SIPA1L2: variants seen among roughly 807,000 people sequenced by gnomAD.
SIPA1L2 encodes signal-induced proliferation-associated 1-like protein 2.
Under a neutral mutation model 163.9 loss-of-function variants are expected in SIPA1L2, and 56 were observed. That is an observed-to-expected ratio of 0.34 (90% CI 0.28 to 0.43). SIPA1L2 has a LOEUF of 0.43. Ranked by LOEUF, SIPA1L2 falls within the 20% of genes least tolerant of loss-of-function variation. The pLI is 1.00. For synonymous variants in SIPA1L2, 877 were observed against 865.7 expected, an observed-to-expected ratio of 1.01 and a Z score of -0.23; for missense variants, 1,974 against 2,193.5, an observed-to-expected ratio of 0.90 and a Z score of 2.00.
chr1:232,441,213 A>G, intron 14 of SIPA1L2, 78 bp downstream of exon 14: 1 of 1,091,196 alleles, frequency 9.2e-7, no homozygotes, highest in Non-Finnish European at 1.3e-6. Flanking sequence ...CATCCCCAGG[A>G]ATCAGGCTGT....
intron 7 of SIPA1L2, among the ~76,000 whole-genome samples, chr1:232,479,094 TC>T (rs1370285706): frequency 6.6e-6 from 1 of 152,256 alleles, no homozygotes; most frequent in Non-Finnish European, 1.5e-5. Flanking sequence ...GATTTATGCA[TC>T]ATTCAAGTTT....
chr1:232,573,734 C>A (rs368268882), intron 2 of SIPA1L2, among the ~76,000 whole-genome samples: 110 of 152,262 alleles, frequency 7.2e-4, no homozygotes, highest in African/African-American at 2.5e-3. Flanking sequence ...CCCTTGATCA[C>A]CTTCCTCACA....
chr1:232,426,733 C>T (rs924426986), intron 17 of SIPA1L2, among the ~76,000 whole-genome samples: 1 of 151,992 alleles, frequency 6.6e-6, no homozygotes, highest in African/African-American at 2.4e-5. Flanking sequence ...GGATCATAAC[C>T]AGACTTAAAT....
rs117076079 is a variant in SIPA1L2 at position 232,591,217 on chromosome 1, G to A, written c.-318-16995C>T. Reference sequence around the variant, plus strand: ...TTAGTTAAACAAAAATTAGTAACTCGGCCTATTACAAAAATAGTTCACATG... The same window carrying A: ...TTAGTTAAACAAAAATTAGTAACTCAGCCTATTACAAAAATAGTTCACATG... On this transcript the variant is annotated intron_variant, in intron 1 of 22. Coordinates refer to ENST00000674635, the MANE Select transcript of SIPA1L2 (RefSeq NM_020808.5). Among the ~76,000 whole-genome samples the A allele has an allele frequency of 9.5e-4, 145 of 152,282 alleles. 2 individuals are homozygous for A. The East Asian group carries it at 0.011, about 12-fold the overall frequency.
chr1:232,548,377 A>C (rs574248737), intron 2 of SIPA1L2, among the ~76,000 whole-genome samples: 1 of 152,172 alleles, frequency 6.6e-6, no homozygotes, highest in East Asian at 1.9e-4. Context: ...CGCCACCTCC[A>C]TTTGCTTCCA....
intron 1 of SIPA1L2, among the ~76,000 whole-genome samples, chr1:232,574,750 T>C (rs1659986991): frequency 6.6e-6 from 1 of 152,192 alleles, no homozygotes; most frequent in South Asian, 2.1e-4. Context: ...ACCAAAAATT[T>C]TGAAAACTCC....
intron 6 of SIPA1L2, among the ~76,000 whole-genome samples, chr1:232,481,291 A>G (rs796258954): frequency 8.5e-5 from 13 of 152,198 alleles, no homozygotes; most frequent in African/African-American, 2.7e-4. Context: ...TGCTCCTTCA[A>G]TGAATAATGG....
intron 1 of SIPA1L2, among the ~76,000 whole-genome samples, chr1:232,629,632 C>A (rs951975796): frequency 2.6e-5 from 4 of 152,182 alleles, no homozygotes; most frequent in Non-Finnish European, 5.9e-5. Context: ...TTGGAGAGAA[C>A]AGGCGGCGGC....
intron 16 of SIPA1L2, among the ~76,000 whole-genome samples, chr1:232,429,963 G>A (rs979139170): frequency 2.0e-5 from 3 of 152,230 alleles, no homozygotes; most frequent in South Asian, 2.1e-4. Flanking sequence ...TTCTATATAC[G>A]TTTATAGAAT....
At chr1:232,404,297 A>G in intron 19 of SIPA1L2, 119 bp from the exon 20 acceptor site, 4 of 776,598 alleles carry the variant, frequency 5.2e-6, no homozygotes, top group Admixed American at 2.2e-5. Flanking sequence ...ACCAGGGGAA[A>G]CCCTTGAGAG....
chr1:232,581,166 G>A lies in SIPA1L2; in HGVS notation c.-318-6944C>T, dbSNP rs564575510. On this transcript the variant is annotated intron_variant, in intron 1 of 22. Transcript: ENST00000674635. ...TCCTCGTGTCCCTTTCCCACATTCC[G>A]TTCTGGTTCTTGTAAGGAACCATCC... Among the ~76,000 whole-genome samples, 10 of 152,138 alleles carry A rather than the reference G, an allele frequency of 6.6e-5. 1 individual carries two copies. In the South Asian group the frequency reaches 1.0e-3, roughly 16 times the overall value.
At chr1:232,586,576 C>CA (rs1046750754) in intron 1 of SIPA1L2, among the ~76,000 whole-genome samples, 1 of 152,158 alleles carries the variant, frequency 6.6e-6, no homozygotes, top group African/African-American at 2.4e-5. Flanking sequence ...TCAACTCACA[C>CA]AAAAACAGCT....
chr1:232,477,240 T>C (rs552320244), intron 7 of SIPA1L2, among the ~76,000 whole-genome samples: 2 of 152,322 alleles, frequency 1.3e-5, no homozygotes, highest in South Asian at 2.1e-4. Flanking sequence ...TTTTTCATAA[T>C]AGATCTTTAG....
At chr1:232,595,296 G>C (rs1025444225) in intron 1 of SIPA1L2, among the ~76,000 whole-genome samples, 1 of 152,058 alleles carries the variant, frequency 6.6e-6, no homozygotes. Flanking sequence ...CAAAGCCTCG[G>C]GGCAACAAAG....
intron 16 of SIPA1L2, among the ~76,000 whole-genome samples, chr1:232,429,850 A>G (rs2102825477): frequency 6.6e-6 from 1 of 152,306 alleles, no homozygotes; most frequent in African/African-American, 2.4e-5. Context: ...TCCAGGCCGT[A>G]TGTGTTTTGG....
intron 19 of SIPA1L2, among the ~76,000 whole-genome samples, chr1:232,412,789 G>A (rs1572858682): frequency 1.3e-5 from 2 of 152,046 alleles, no homozygotes; most frequent in Admixed American, 6.6e-5. Context: ...AATTAAACAC[G>A]TCATTAACTC....
intron 10 of SIPA1L2, among the ~76,000 whole-genome samples, chr1:232,460,585 C>T (rs1219623223): frequency 6.6e-6 from 1 of 152,176 alleles, no homozygotes; most frequent in East Asian, 1.9e-4. Flanking sequence ...ATAAGAGGTC[C>T]AGGGGAACCA....
Position 232,425,807 on chromosome 1 carries a change from A to G in SIPA1L2, c.4412T>C (p.Phe1471Ser), listed in dbSNP as rs1428324107. The G allele has an allele frequency of 6.2e-7, 1 of 1,613,166 alleles. No homozygotes were observed. Among genetic ancestry groups the G allele is most frequent in the African/African-American group, 1.3e-5 (1 of 74,916 alleles). ...TGGAGACAGGTTCCCATAGAACGAA[A>G]ACTAGGGTTTAAACAAGGTGCGAGG... ...SPLVEEGRRKFSFYGNLSPRR... is the reference protein window; with the variant it reads ...SPLVEEGRRKSSFYGNLSPRR... The change falls in exon 18 of 23, where the codon TTT becomes TCT. Residue 1471 changes from phenylalanine (F) to serine (S), a missense_variant and splice_region_variant. By Grantham distance (155) the Phe-to-Ser change is radical. Coordinates refer to ENST00000674635, the MANE Select transcript of SIPA1L2 (RefSeq NM_020808.5).
chr1:232,413,153 G>C (rs1661055304), intron 19 of SIPA1L2, among the ~76,000 whole-genome samples: 1 of 152,098 alleles, frequency 6.6e-6, no homozygotes. Context: ...CAGGTTCTTT[G>C]GTTCTTCATT....
Sources: gnomAD v4.1 joint callset for allele counts (sites outside exome capture counted in the v4.1 genomes callset) on GRCh38, gnomAD v4.1.1 for gene constraint, MANE v1.5 for transcripts, NCBI Gene and HGNC (gene_info 2026-07-23, HGNC 2026-07-21) for gene names.